The following DMGDH variants were observed in gnomAD, a reference collection of about 807,000 sequenced individuals.
DMGDH encodes the protein dimethylglycine dehydrogenase, mitochondrial.
A neutral mutation model predicts 95.2 loss-of-function variants in DMGDH; 76 were observed. The observed-to-expected ratio is 0.80, with a 90% CI of 0.66 to 0.97. DMGDH has a LOEUF of 0.97. Ranked by LOEUF, DMGDH falls within the 50% of genes least tolerant of loss-of-function variation. The pLI is 0.00. For synonymous variants in DMGDH, 345 were observed against 377.6 expected (o/e 0.91, Z 1.00); for missense variants, 987 against 1,055.0 (o/e 0.94, Z 0.89).
Position 79,033,369 on chromosome 5 carries a change from G to A in DMGDH, c.1233C>T (p.Leu411=). 1 of 1,614,170 alleles carries A rather than the reference G, an allele frequency of 6.2e-7. No homozygotes were observed. The highest frequency in any genetic ancestry group is 8.5e-7 in the Non-Finnish European group (1 of 1,180,036). The part of the protein sequence containing the change: ...IIHAGGVGKY[L]SDWILHGEPP... ...GTTCTCCATGCAGGATCCAGTCACT[G>A]AGATATTTCCCTACCCCACCAGCGT... The change falls in exon 8 of 16, where the codon CTC becomes CTT. Residue 411 remains leucine (L), a synonymous_variant. Coordinates refer to ENST00000255189, the MANE Select transcript of DMGDH (RefSeq NM_013391.3).
intron 12 of DMGDH, 32 bp downstream of exon 12, chr5:79,028,401 G>C: frequency 6.5e-7 from 1 of 1,549,724 alleles, no homozygotes; most frequent in African/African-American, 1.4e-5. Flanking sequence ...TTAAATTTCA[G>C]AGACTTAGTC....
chr5:79,012,232 A>G (rs1753659300), intron 14 of DMGDH, among the ~76,000 whole-genome samples: 1 of 152,208 alleles, frequency 6.6e-6, no homozygotes, highest in East Asian at 1.9e-4. Context: ...GCCCCACAGA[A>G]GTCAAAAACC....
chr5:79,007,424 T>G (rs561086492), intron 14 of DMGDH, among the ~76,000 whole-genome samples: 1 of 152,172 alleles, frequency 6.6e-6, no homozygotes, highest in East Asian at 1.9e-4. Context: ...TATGTGGGGG[T>G]TCTGGAACCA....
At chr5:79,008,433 G>A (rs1218699154) in intron 14 of DMGDH, among the ~76,000 whole-genome samples, 2 of 152,220 alleles carry the variant, frequency 1.3e-5, no homozygotes, top group African/African-American at 4.8e-5. Context: ...GTCAAAGACA[G>A]GCAATCAACA....
intron 14 of DMGDH, among the ~76,000 whole-genome samples, chr5:79,009,312 T>C (rs3914914): frequency 0.19 from 28,070 of 151,010 alleles, 4,887 homozygotes; most frequent in African/African-American, 0.45. Context: ...GCAAAAATCT[T>C]ATTGAAAGTA....
Position 79,023,954 on chromosome 5 carries a change from C to T in DMGDH, c.2250+317G>A, listed in dbSNP as rs781755460. Among the ~76,000 whole-genome samples the T allele has an allele frequency of 3.9e-5, 6 of 152,126 alleles. No homozygotes were observed. The East Asian group carries it at 7.7e-4, about 20-fold the overall frequency. On this transcript the variant is annotated intron_variant, in intron 14 of 15. Coordinates refer to ENST00000255189, the MANE Select transcript of DMGDH (RefSeq NM_013391.3). The stretch of plus-strand genomic sequence containing the variant: ...AGTTACTGCAAAATACACAACATGG[C>T]GCACTTCCAACATAAATGTCTACTA...
chr5:79,057,848 G>T lies in DMGDH; in HGVS notation c.277-1940C>A, dbSNP rs531544654. ...TCTGGTCATCACAAGCACTGGCCTA[G>T]GGTACTGATCACCATCCACTCCTCA... is the stretch of plus-strand genomic sequence containing the variant. On this transcript the variant is annotated intron_variant, in intron 2 of 15. Transcript: ENST00000255189. Among the ~76,000 whole-genome samples, 122 of 152,204 alleles carry T rather than the reference G, an allele frequency of 8.0e-4. 4 individuals are homozygous for T. The South Asian group carries it at 0.025, about 31-fold the overall frequency.
At chr5:79,021,716 C>G in intron 14 of DMGDH, 1 of 1,291,676 alleles carries the variant, frequency 7.7e-7, no homozygotes, top group Non-Finnish European at 1.0e-6. Context: ...ACAGCAAAAA[C>G]ATGTGGGGGA....
At chr5:79,059,837 T>C (rs1218994443) in intron 2 of DMGDH, among the ~76,000 whole-genome samples, 1 of 152,246 alleles carries the variant, frequency 6.6e-6, no homozygotes, top group Non-Finnish European at 1.5e-5. Flanking sequence ...GCCATTTGCA[T>C]TCACAACTTT....
In DMGDH at chr5:79,028,561, G is replaced by T. The variant is rs753823392; in HGVS notation, c.1904C>A (p.Pro635Gln). 2 of 1,613,984 alleles carry T rather than the reference G, an allele frequency of 1.2e-6. No individual in the cohort carries two copies. ...DELGVLGVAG[P>Q]QARKVLQKLT... ...TTTCTGAAGGACCTTTCTTGCCTGT[G>T]GCCCAGCAACTCCAAGAACTCCAAG... Residue 635 changes from proline to glutamine, a missense_variant, in exon 12 of 16, where the codon CCA (proline) becomes CAA (glutamine). By Grantham distance (76) the Pro-to-Gln change is moderately conservative. Coordinates refer to ENST00000255189, the MANE Select transcript of DMGDH (RefSeq NM_013391.3).
At chr5:79,050,273 A>AAAATATATAT (rs1554037270) in intron 5 of DMGDH, among the ~76,000 whole-genome samples, 1 of 20,914 alleles carries the variant, frequency 4.8e-5, no homozygotes, top group Non-Finnish European at 9.4e-5. Flanking sequence ...AAAAAAAAAA[A>AAAATATATAT]ATATATATAT....
chr5:79,063,541 G>T, intron 2 of DMGDH, 72 bp downstream of exon 2: 1 of 1,588,932 alleles, frequency 6.3e-7, no homozygotes, highest in Non-Finnish European at 8.6e-7. Context: ...GTTGGGAGTT[G>T]TGAACGGGAA....
At chr5:79,040,719 G>A (rs892926352) in intron 7 of DMGDH, among the ~76,000 whole-genome samples, 8 of 152,064 alleles carry the variant, frequency 5.3e-5, no homozygotes, top group Non-Finnish European at 8.8e-5. Flanking sequence ...ACCTGATAAG[G>A]TTCTTATATC....
chr5:78,998,348 T>C (rs780663812), intron 15 of DMGDH, 51 bp from the exon 16 acceptor site: 1 of 1,548,576 alleles, frequency 6.5e-7, no homozygotes. Context: ...AGCTCTGTGC[T>C]CCTCATCTCT....
rs535000218 is a variant in DMGDH at position 78,999,466 on chromosome 5, G to T, written c.2386-1169C>A. Among the ~76,000 whole-genome samples the T allele has an allele frequency of 7.9e-5, 12 of 152,266 alleles. No homozygotes were observed. In the South Asian group the frequency reaches 2.5e-3, roughly 32 times the overall value. ...CTGCCCCAGCCTCCCGAGTGGCTGG[G>T]ACTACAGGCACCCACCACCACGCCC... On this transcript the variant is annotated intron_variant, in intron 15 of 15. Coordinates refer to ENST00000255189, the MANE Select transcript of DMGDH (RefSeq NM_013391.3).
At chr5:79,022,510 T>TG in intron 14 of DMGDH, among the ~76,000 whole-genome samples, 1 of 152,220 alleles carries the variant, frequency 6.6e-6, no homozygotes, top group Non-Finnish European at 1.5e-5. Flanking sequence ...CTGGCTCAGT[T>TG]GGGGGCCAGG....
intron 15 of DMGDH, chr5:79,000,188 GCA>G: frequency 1.7e-6 from 1 of 599,610 alleles, no homozygotes; most frequent in Non-Finnish European, 3.3e-6. Context: ...TATGTTTCTG[GCA>G]CAGTTATGTT....
rs374882125 is a variant in DMGDH at position 79,054,289 on chromosome 5, A to T, written c.435T>A (p.Asp145Glu). 59 of 1,614,002 alleles carry T rather than the reference A, an allele frequency of 3.7e-5. No homozygotes were observed. The highest frequency in any genetic ancestry group is 4.7e-5 in the Non-Finnish European group (56 of 1,180,006). ...TCCGAGTCATTTGATATTTAAATTCATCTACCCTTACAGGGGTGGTAGCAA... is the reference window on the plus strand; with the variant it reads ...TCCGAGTCATTTGATATTTAAATTCTTCTACCCTTACAGGGGTGGTAGCAA... ...IRLATTPVRV[D>E]EFKYQMTRTG... The change falls in exon 4 of 16, where the codon GAT becomes GAA. Residue 145 changes from aspartate to glutamate, a missense_variant. Transcript: ENST00000255189.
chr5:79,050,519 G>C (rs926840771), intron 5 of DMGDH, among the ~76,000 whole-genome samples: 5 of 152,066 alleles, frequency 3.3e-5, no homozygotes, highest in Non-Finnish European at 7.4e-5. Context: ...TCCCAGTTTA[G>C]ACTGCACAAG....
Sources: gnomAD v4.1 joint callset for allele counts (sites outside exome capture counted in the v4.1 genomes callset) on GRCh38, gnomAD v4.1.1 for gene constraint, MANE v1.5 for transcripts, NCBI Gene and HGNC (gene_info 2026-07-23, HGNC 2026-07-21) for gene names.